Variants in TSHZ2 observed in about 807,000 individuals in gnomAD.
TSHZ2 encodes teashirt homolog 2.
A neutral mutation model predicts 74.4 loss-of-function variants in TSHZ2; 21 were observed. The observed-to-expected ratio is 0.28, with a 90% CI of 0.20 to 0.41. The LOEUF is 0.41. TSHZ2 is among the 10% of genes least tolerant of loss of function. TSHZ2 has a pLI of 1.00. For missense variants in TSHZ2, 1,244 were observed against 1,293.5 expected (o/e 0.96, Z 0.59); for synonymous variants, 540 against 515.3 (o/e 1.05, Z -0.65).
intron 1 of TSHZ2, among the ~76,000 whole-genome samples, chr20:53,221,028 G>A (rs1028412353): frequency 1.3e-5 from 2 of 152,224 alleles, no homozygotes; most frequent in Non-Finnish European, 2.9e-5. Flanking sequence ...TGTTGTGGGA[G>A]GGACCCAGTA....
At chr20:53,117,489 T>C (rs1202173788) in intron 1 of TSHZ2, among the ~76,000 whole-genome samples, 1 of 152,186 alleles carries the variant, frequency 6.6e-6, no homozygotes, top group East Asian at 1.9e-4. Flanking sequence ...CAGACAATAG[T>C]TGTGTATGTA....
chr20:53,434,275 T>C (rs967263032), intron 2 of TSHZ2, among the ~76,000 whole-genome samples: 1 of 152,184 alleles, frequency 6.6e-6, no homozygotes, highest in Non-Finnish European at 1.5e-5. Context: ...TCACATACAT[T>C]ATCTCATGTA....
intron 1 of TSHZ2, among the ~76,000 whole-genome samples, chr20:53,175,631 C>G (rs1300478137): frequency 1.3e-5 from 2 of 152,170 alleles, no homozygotes; most frequent in Admixed American, 6.5e-5. Context: ...ATCTGTCTCC[C>G]ACAGATAAGC....
chr20:53,117,442 C>A (rs1157432067), intron 1 of TSHZ2, among the ~76,000 whole-genome samples: 1 of 152,204 alleles, frequency 6.6e-6, no homozygotes, highest in Non-Finnish European at 1.5e-5. Context: ...GACAAAAGTA[C>A]CTGCCCTTCA....
chr20:53,042,964 G>A (rs528269758), intron 1 of TSHZ2, among the ~76,000 whole-genome samples: 14 of 152,308 alleles, frequency 9.2e-5, no homozygotes, highest in Non-Finnish European at 1.8e-4. Flanking sequence ...AAATAAATTA[G>A]AGTGCATGAT....
intron 2 of TSHZ2, among the ~76,000 whole-genome samples, chr20:53,472,827 A>G (rs1985860650): frequency 6.6e-6 from 1 of 151,864 alleles, no homozygotes; most frequent in Non-Finnish European, 1.5e-5. Flanking sequence ...AAGCAGGGTG[A>G]GGCATTGCCT....
At chr20:53,079,631 A>G (rs145464221) in intron 1 of TSHZ2, among the ~76,000 whole-genome samples, 12 of 152,334 alleles carry the variant, frequency 7.9e-5, no homozygotes, top group Admixed American at 6.5e-4. Context: ...TTATGTGCCA[A>G]TATGCCTAAC....
chr20:53,177,645 T>G (rs1988376972), intron 1 of TSHZ2, among the ~76,000 whole-genome samples: 1 of 152,256 alleles, frequency 6.6e-6, no homozygotes, highest in African/African-American at 2.4e-5. Context: ...ATCCTATGAT[T>G]ACATTAGTAT....
chr20:53,246,040 C>CTTTTTTTTTTTTTTTTTTTT (rs57243805), intron 1 of TSHZ2, among the ~76,000 whole-genome samples: 1,568 of 129,804 alleles, frequency 0.012, 36 homozygotes, highest in Non-Finnish European at 0.015. Flanking sequence ...TTCTTTCTTT[C>CTTTTTTTTTTTTTTTTTTTT]TTTTTTTTTT....
At chr20:53,258,567 G>A (rs1249038963) in intron 2 of TSHZ2, among the ~76,000 whole-genome samples, 1 of 152,132 alleles carries the variant, frequency 6.6e-6, no homozygotes, top group African/African-American at 2.4e-5. Flanking sequence ...ATGTAGATAG[G>A]GAGAGGTAAG....
intron 2 of TSHZ2, among the ~76,000 whole-genome samples, chr20:53,447,250 G>A (rs997844898): frequency 5.3e-5 from 8 of 152,034 alleles, no homozygotes; most frequent in African/African-American, 1.7e-4. Flanking sequence ...ATTCCTCCAC[G>A]AATTCCTCCA....
intron 1 of TSHZ2, among the ~76,000 whole-genome samples, chr20:53,075,879 A>AGACTGAAT: frequency 6.6e-6 from 1 of 152,224 alleles, no homozygotes; most frequent in South Asian, 2.1e-4. Flanking sequence ...GCAATGGGAG[A>AGACTGAAT]GACTGAATGT....
chr20:53,376,786 AAC>A (rs1981673971), intron 2 of TSHZ2, among the ~76,000 whole-genome samples: 1 of 152,236 alleles, frequency 6.6e-6, no homozygotes, highest in African/African-American at 2.4e-5. Context: ...TGGTGGTCTC[AAC>A]ACAGTCAGAC....
At chr20:53,086,351 G>A (rs1018310052) in intron 1 of TSHZ2, among the ~76,000 whole-genome samples, 5 of 151,910 alleles carry the variant, frequency 3.3e-5, no homozygotes, top group South Asian at 2.1e-4. Context: ...TCTCAAGATC[G>A]CCATATCTCC....
intron 1 of TSHZ2, among the ~76,000 whole-genome samples, chr20:53,075,727 A>AG (rs1447305872): frequency 4.6e-5 from 7 of 152,182 alleles, no homozygotes; most frequent in Admixed American, 4.6e-4. Context: ...TAGGAGACTG[A>AG]GGGAGTTCTT....
At chr20:53,306,990 A>G (rs1546528) in intron 2 of TSHZ2, among the ~76,000 whole-genome samples, 39,380 of 152,140 alleles carry the variant, frequency 0.26, 5,713 homozygotes, top group South Asian at 0.38. Flanking sequence ...GTCAATTTAT[A>G]CATAGAGTGA....
At chr20:53,432,039 A>G in intron 2 of TSHZ2, among the ~76,000 whole-genome samples, 1 of 152,134 alleles carries the variant, frequency 6.6e-6, no homozygotes. Flanking sequence ...ACATGGATGA[A>G]TTATATAGTA....
At chr20:53,163,967 T>A (rs1424611366) in intron 1 of TSHZ2, among the ~76,000 whole-genome samples, 1 of 152,242 alleles carries the variant, frequency 6.6e-6, no homozygotes, top group East Asian at 1.9e-4. Flanking sequence ...TCTTATCAAG[T>A]GGTTATATTA....
intron 2 of TSHZ2, among the ~76,000 whole-genome samples, chr20:53,330,058 C>A (rs1449068234): frequency 1.3e-5 from 2 of 152,212 alleles, no homozygotes; most frequent in Non-Finnish European, 1.5e-5. Flanking sequence ...GGCAGAGTTA[C>A]AGAGACCATA....
Sources: gnomAD v4.1 joint callset for allele counts (sites outside exome capture counted in the v4.1 genomes callset) on GRCh38, gnomAD v4.1.1 for gene constraint, MANE v1.5 for transcripts, NCBI Gene and HGNC (gene_info 2026-07-23, HGNC 2026-07-21) for gene names.